DYNC1LI1: variants seen among roughly 807,000 people sequenced by gnomAD.
The protein encoded by DYNC1LI1 is cytoplasmic dynein 1 light intermediate chain 1.
DYNC1LI1 carries 19 observed loss-of-function variants against 63.8 expected under a neutral mutation model. The ratio of observed to expected loss-of-function variants is 0.30; its 90% CI spans 0.21 to 0.44. DYNC1LI1 has a LOEUF of 0.44. Ranked by LOEUF, DYNC1LI1 falls within the 20% of genes least tolerant of loss-of-function variation. The pLI is 1.00. For missense variants in DYNC1LI1, 565 were observed against 630.2 expected (o/e 0.90, Z 1.11); for synonymous variants, 225 against 232.3 (o/e 0.97, Z 0.28).
chr3:32,565,497 CAG>C (rs1698246100), intron 2 of DYNC1LI1, among the ~76,000 whole-genome samples: 1 of 152,194 alleles, frequency 6.6e-6, no homozygotes, highest in South Asian at 2.1e-4. Context: ...TGAGAAGAAT[CAG>C]ATAAAATTCC....
rs1458073318 is a variant in DYNC1LI1 at position 32,570,620 on chromosome 3, G to A, written c.146+5C>T. ...CGGGGGCTGAGGGAGAGGTGGAGTC[G>A]TTACCAAAGGTTCTGCCCGTCCTCG... On this transcript the variant is annotated splice_donor_5th_base_variant and intron_variant, in intron 1 of 12. Transcript: ENST00000273130. The A allele has an allele frequency of 1.1e-5, 17 of 1,567,484 alleles. No homozygotes were observed. The highest frequency in any genetic ancestry group is 1.5e-5 in the Non-Finnish European group (17 of 1,156,408).
intron 2 of DYNC1LI1, among the ~76,000 whole-genome samples, chr3:32,557,016 T>C (rs570618564): frequency 1.3e-5 from 2 of 152,188 alleles, no homozygotes; most frequent in South Asian, 2.1e-4. Context: ...TCATAATACA[T>C]TCCTCCTTCA....
At position 32,530,187 on chromosome 3, in the gene DYNC1LI1, A is replaced by T. The variant is rs1697676340; in HGVS notation, c.1185+97T>A. 7 of 990,974 alleles carry T rather than the reference A, an allele frequency of 7.1e-6. No homozygotes were observed. In the South Asian group the frequency reaches 1.0e-4, roughly 15 times the overall value. The allele number at this position is 990,974 out of a possible 1,614,324, so 61.4% of individuals were successfully genotyped here. ...GAATTCTGAATTCAAGTTTATATCA[A>T]AGCACACCCATATGAAATATGTACA... On this transcript the variant is annotated intron_variant, in intron 10 of 12. Transcript: ENST00000273130.
chr3:32,548,460 T>C (rs1421790878), intron 2 of DYNC1LI1, among the ~76,000 whole-genome samples: 1 of 152,184 alleles, frequency 6.6e-6, no homozygotes, highest in Non-Finnish European at 1.5e-5. Context: ...GACTGGGGAC[T>C]GCTGTGTTAA....
At chr3:32,545,667 A>G in intron 3 of DYNC1LI1, 182 bp downstream of exon 3, 1 of 606,218 alleles carries the variant, frequency 1.6e-6, no homozygotes, top group Non-Finnish European at 2.9e-6. Flanking sequence ...GCTTAAAAGT[A>G]TCATATATGA....
intron 7 of DYNC1LI1, among the ~76,000 whole-genome samples, chr3:32,533,651 T>C (rs1454118304): frequency 1.3e-5 from 2 of 151,370 alleles, no homozygotes; most frequent in African/African-American, 2.4e-5. Context: ...CTGCAGCCTC[T>C]GTCTCCCAGG....
At position 32,529,659 on chromosome 3, in the gene DYNC1LI1, T is replaced by G; in HGVS notation, c.1187A>C (p.Asp396Ala). 1.3e-6 allele frequency: 2 copies of G among 1,588,144 alleles called. No individual in the cohort carries two copies. The highest frequency in any genetic ancestry group is 1.7e-6 in the Non-Finnish European group (2 of 1,169,580). Residue 396 changes from aspartate to alanine, a missense_variant and splice_region_variant, in exon 11 of 13, where the codon GAT becomes GCT. Asp to Ala is a moderately radical substitution (Grantham distance 126). Coordinates refer to ENST00000273130, the MANE Select transcript of DYNC1LI1 (RefSeq NM_016141.4). Reference sequence around the variant, plus strand: ...GCCTCCTGGGACTCTTGGTGAGGCATCCTATGTAAAAATAGGAAAATACAA... The same window carrying G: ...GCCTCCTGGGACTCTTGGTGAGGCAGCCTATGTAAAAATAGGAAAATACAA... The part of the protein sequence containing the change: ...QPPTAAGRPV[D>A]ASPRVPGGSP...
chr3:32,553,921 T>C (rs1202935486), intron 2 of DYNC1LI1, among the ~76,000 whole-genome samples: 7 of 152,230 alleles, frequency 4.6e-5, no homozygotes, highest in Non-Finnish European at 8.8e-5. Context: ...GCAAGACTGT[T>C]TGGGAGCCAT....
rs1250971550 is a variant in DYNC1LI1 at position 32,526,750 on chromosome 3, A to G, written c.*49T>C. ...CACTTTTGAAGGAAAAGGCAGAGGCATGTTTACATTATCCCAGAAAACAGA... is the reference window on the plus strand; with the variant it reads ...CACTTTTGAAGGAAAAGGCAGAGGCGTGTTTACATTATCCCAGAAAACAGA... On this transcript the variant is annotated 3_prime_UTR_variant, in exon 13 of 13. Transcript: ENST00000273130. 6 of 1,370,938 alleles carry G rather than the reference A, an allele frequency of 4.4e-6. No homozygotes were observed. Among genetic ancestry groups the G allele is most frequent in the Non-Finnish European group, 6.2e-6 (6 of 964,658 alleles). 84.9% of individuals were successfully genotyped at this position (1,370,938 alleles called of 1,614,324 possible).
At chr3:32,570,213 A>T in intron 2 of DYNC1LI1, 133 bp downstream of exon 2, 1 of 789,482 alleles carries the variant, frequency 1.3e-6, no homozygotes, top group Non-Finnish European at 2.2e-6. Flanking sequence ...GCCATCCGCG[A>T]CAGGTCGGGA....
At chr3:32,543,148 A>C (rs915322536) in intron 4 of DYNC1LI1, among the ~76,000 whole-genome samples, 1 of 152,182 alleles carries the variant, frequency 6.6e-6, no homozygotes, top group African/African-American at 2.4e-5. Context: ...CCAGGGAACC[A>C]CAGTTCAACA....
At chr3:32,570,472 GA>G in intron 1 of DYNC1LI1, 53 bp from the exon 2 acceptor site, 1 of 1,528,174 alleles carries the variant, frequency 6.5e-7, no homozygotes, top group Admixed American at 2.0e-5. Context: ...CGCAGCGCGG[GA>G]GGGACGGACC....
chr3:32,570,585 G>A (rs775017876), intron 1 of DYNC1LI1, 40 bp downstream of exon 1: 2 of 1,544,194 alleles, frequency 1.3e-6, no homozygotes, highest in South Asian at 2.4e-5. Context: ...CGCAAGGCCG[G>A]GGGAGCCAGC....
At chr3:32,530,241 T>G in intron 10 of DYNC1LI1, 43 bp downstream of exon 10, 1 of 1,493,912 alleles carries the variant, frequency 6.7e-7, no homozygotes, top group Non-Finnish European at 9.1e-7. Context: ...TAAAATAATA[T>G]GTACTGCATT....
chr3:32,530,377 T>C, intron 9 of DYNC1LI1, 49 bp from the exon 10 acceptor site: 1 of 1,576,594 alleles, frequency 6.3e-7, no homozygotes, highest in Non-Finnish European at 8.7e-7. Context: ...TCATAGCATA[T>C]ACTGGTGTAT....
At position 32,528,465 on chromosome 3, in the gene DYNC1LI1, T is replaced by C. The variant is rs1298905866; in HGVS notation, c.1443A>G (p.Pro481=). The C allele has an allele frequency of 2.5e-6, 4 of 1,614,160 alleles. No individual in the cohort carries two copies. Among genetic ancestry groups the C allele is most frequent in the South Asian group, 2.2e-5 (2 of 91,082 alleles). The stretch of plus-strand genomic sequence containing the variant: ...GCATACCTGACTTTTTGGTGGATGG[T>C]GGTAAACCACTGCTTCCACCTCCAG... ...GGAGGGSSGL[P]PSTKKSGQKP... The change falls in exon 12 of 13, where the codon CCA becomes CCG. Residue 481 remains proline, a synonymous_variant. Coordinates refer to ENST00000273130, the MANE Select transcript of DYNC1LI1 (RefSeq NM_016141.4).
intron 5 of DYNC1LI1, among the ~76,000 whole-genome samples, chr3:32,538,022 ATTTATATATATAATATATATATAT>A (rs1697817289): frequency 5.1e-5 from 1 of 19,630 alleles, no homozygotes; most frequent in Non-Finnish European, 7.2e-5. Flanking sequence ...TATATATATA[ATTTATATATATAATATATATATAT>A]AATTATATAT....
chr3:32,566,890 T>C lies in DYNC1LI1; in HGVS notation c.220+3456A>G, dbSNP rs116399098. On this transcript the variant is annotated intron_variant, in intron 2 of 12. Coordinates refer to ENST00000273130, the MANE Select transcript of DYNC1LI1 (RefSeq NM_016141.4). The stretch of plus-strand genomic sequence containing the variant: ...AATACATGTGCAAGAAGTCCTACCT[T>C]TATTAAAAACAAATCTTAATGAAAT... Among the ~76,000 whole-genome samples, 1,400 of 152,288 alleles carry C rather than the reference T, an allele frequency of 9.2e-3. 15 individuals are homozygous for C. Among genetic ancestry groups the C allele is most frequent in the African/African-American group, 0.032 (1,334 of 41,552 alleles).
intron 2 of DYNC1LI1, among the ~76,000 whole-genome samples, chr3:32,566,132 A>G (rs1698256068): frequency 1.3e-5 from 2 of 151,876 alleles, no homozygotes; most frequent in Admixed American, 1.3e-4. Flanking sequence ...ACTGGCTAGG[A>G]GTGGTGACAC....
Sources: gnomAD v4.1 joint callset for allele counts (sites outside exome capture counted in the v4.1 genomes callset) on GRCh38, gnomAD v4.1.1 for gene constraint, MANE v1.5 for transcripts, NCBI Gene and HGNC (gene_info 2026-07-23, HGNC 2026-07-21) for gene names.